The following CAST variants were observed in gnomAD, a reference collection of about 807,000 sequenced individuals.
CAST encodes the protein MIR583 host.
A neutral mutation model predicts 119.6 loss-of-function variants in CAST; 76 were observed. The observed-to-expected ratio is 0.64, with a 90% CI of 0.53 to 0.77. The LOEUF (loss-of-function observed/expected upper bound fraction) is 0.77, where lower values mean the gene tolerates loss of function less well. Ranked by LOEUF, CAST falls within the 30% of genes least tolerant of loss-of-function variation. The pLI, the probability that CAST is intolerant of heterozygous loss-of-function variation, is 0.00. For synonymous variants in CAST, 319 were observed against 331.6 expected, an observed-to-expected ratio of 0.96 and a Z score of 0.41; for missense variants, 953 against 946.5, an observed-to-expected ratio of 1.01 and a Z score of -0.09.
At chr5:96,214,054 G>A in the CAST span, among the ~76,000 whole-genome samples, 15 of 152,048 alleles carry the variant, frequency 9.9e-5, no homozygotes, top group South Asian at 1.7e-3. Context: ...ATAGAATACC[G>A]GCAACATTTA....
intron 1 of CAST, among the ~76,000 whole-genome samples, chr5:96,568,610 ATATCTTT>A: frequency 6.7e-6 from 1 of 149,790 alleles, no homozygotes; most frequent in Non-Finnish European, 1.5e-5. Context: ...CAGTTGGTTT[ATATCTTT>A]AATACTGAGG....
intron 1 of CAST, among the ~76,000 whole-genome samples, chr5:96,588,434 T>C (rs895888801): frequency 4.6e-5 from 7 of 152,118 alleles, no homozygotes; most frequent in Non-Finnish European, 8.8e-5. Context: ...TCTCTTGACC[T>C]CATGATCTGC....
the CAST span, among the ~76,000 whole-genome samples, chr5:96,343,155 A>G: frequency 6.6e-6 from 1 of 152,182 alleles, no homozygotes; most frequent in African/African-American, 2.4e-5. Flanking sequence ...ATGATGATGA[A>G]AATCTTTAAC....
chr5:96,350,928 CCTT>C, the CAST span, among the ~76,000 whole-genome samples: 3 of 152,102 alleles, frequency 2.0e-5, no homozygotes, highest in Non-Finnish European at 4.4e-5. Context: ...CATTTTCAGA[CCTT>C]CATTATAAGT....
chr5:96,124,343 C>T, the CAST span, among the ~76,000 whole-genome samples: 1 of 152,138 alleles, frequency 6.6e-6, no homozygotes, highest in Non-Finnish European at 1.5e-5. Context: ...AGGTCCATGC[C>T]ACCATGCCCA....
At chr5:96,431,161 A>G in the CAST span, among the ~76,000 whole-genome samples, 3 of 152,216 alleles carry the variant, frequency 2.0e-5, no homozygotes, top group South Asian at 6.2e-4. Context: ...CACCAGCACA[A>G]TTTCCTCTGC....
At chr5:96,201,907 A>G in the CAST span, among the ~76,000 whole-genome samples, 23 of 152,198 alleles carry the variant, frequency 1.5e-4, no homozygotes, top group African/African-American at 5.1e-4. Flanking sequence ...TTAAGGGGCA[A>G]AGTTTGGCTA....
the CAST span, among the ~76,000 whole-genome samples, chr5:96,113,161 T>C: frequency 1.3e-5 from 2 of 152,212 alleles, no homozygotes; most frequent in African/African-American, 4.8e-5. Context: ...AGAAATTGGA[T>C]TGGTGGTTTC....
chr5:96,362,768 C>A, the CAST span, among the ~76,000 whole-genome samples: 1 of 152,142 alleles, frequency 6.6e-6, no homozygotes, highest in East Asian at 1.9e-4. Context: ...CAAAAATTGT[C>A]TCCCATTCTG....
intron 3 of CAST, among the ~76,000 whole-genome samples, chr5:96,719,318 ACT>A (rs1391604665): frequency 6.6e-6 from 1 of 152,022 alleles, no homozygotes; most frequent in East Asian, 1.9e-4. Context: ...GTGCCACCAC[ACT>A]CAGCTAATTT....
chr5:96,423,436 G>A, the CAST span: 4 of 1,614,082 alleles, frequency 2.5e-6, no homozygotes, highest in East Asian at 6.7e-5. Context: ...GCTTGGGCAG[G>A]GCTGCCGTCA....
At chr5:96,616,066 G>A (rs1747450446) in intron 1 of CAST, among the ~76,000 whole-genome samples, 1 of 149,952 alleles carries the variant, frequency 6.7e-6, no homozygotes, top group Non-Finnish European at 1.5e-5. Context: ...GGCCATGCCG[G>A]CAGCTGATTA....
intron 1 of CAST, among the ~76,000 whole-genome samples, chr5:96,566,810 A>G (rs1018546926): frequency 4.6e-5 from 7 of 152,246 alleles, no homozygotes; most frequent in African/African-American, 9.6e-5. Context: ...TAATAAAATA[A>G]AAAACTGCCA....
At chr5:96,686,054 C>G (rs1580966779) in intron 2 of CAST, among the ~76,000 whole-genome samples, 1 of 152,090 alleles carries the variant, frequency 6.6e-6, no homozygotes, top group Non-Finnish European at 1.5e-5. Context: ...ACTAAGAGAG[C>G]TGCAGTTTCA....
the CAST span, among the ~76,000 whole-genome samples, chr5:96,227,496 A>T: frequency 1.0e-3 from 157 of 152,298 alleles, 1 homozygote; most frequent in African/African-American, 3.6e-3. Context: ...TGAATGACTC[A>T]ATGTCTGGAC....
the CAST span, among the ~76,000 whole-genome samples, chr5:96,091,615 C>T: frequency 6.6e-6 from 1 of 151,184 alleles, no homozygotes; most frequent in Admixed American, 6.6e-5. Context: ...AAGTGATCCT[C>T]CCACCTCAGT....
the CAST span, among the ~76,000 whole-genome samples, chr5:96,017,892 T>C: frequency 6.6e-6 from 1 of 152,188 alleles, no homozygotes; most frequent in African/African-American, 2.4e-5. Context: ...TATATTAAAA[T>C]TTATATAGGG....
chr5:96,287,788 T>G, the CAST span, among the ~76,000 whole-genome samples: 1 of 152,088 alleles, frequency 6.6e-6, no homozygotes, highest in Non-Finnish European at 1.5e-5. Context: ...ATTTGCATGA[T>G]TTATGTTTAA....
At chr5:95,998,118 C>T in the CAST span, among the ~76,000 whole-genome samples, 8 of 151,484 alleles carry the variant, frequency 5.3e-5, no homozygotes, top group Non-Finnish European at 1.0e-4. Context: ...GATACATTCA[C>T]CTTTTTTTTT....
Sources: allele counts gnomAD v4.1 joint callset (sites outside exome capture counted in the v4.1 genomes callset), GRCh38; gene constraint gnomAD v4.1.1; transcripts MANE v1.5; gene names NCBI Gene and HGNC (gene_info 2026-07-23, HGNC 2026-07-21).